NT5DC3: variants seen among roughly 807,000 people sequenced by gnomAD.
NT5DC3 encodes the protein 5'-nucleotidase domain-containing protein 3.
NT5DC3 carries 42 observed loss-of-function variants against 67.8 expected under a neutral mutation model. The ratio of observed to expected loss-of-function variants is 0.62; its 90% confidence interval spans 0.48 to 0.80. The LOEUF (loss-of-function observed/expected upper bound fraction) is 0.80. NT5DC3 is among the 30% of genes least tolerant of loss of function. NT5DC3 has a pLI of 0.00. For missense variants in NT5DC3, 570 were observed against 696.4 expected (o/e 0.82, Z 2.04); for synonymous variants, 237 against 255.6 (o/e 0.93, Z 0.69).
At chr12:103,832,222 T>C (rs1887962675) in intron 1 of NT5DC3, among the ~76,000 whole-genome samples, 1 of 152,028 alleles carries the variant, frequency 6.6e-6, no homozygotes, top group African/African-American at 2.4e-5. Flanking sequence ...TCTGCCAGAC[T>C]GCTGAAAGCC....
intron 8 of NT5DC3, 60 bp downstream of exon 8, chr12:103,793,350 A>G (rs1886151458): frequency 6.4e-7 from 1 of 1,562,694 alleles, no homozygotes; most frequent in African/African-American, 1.4e-5. Flanking sequence ...TCCAGCTGCT[A>G]AAACAAATGG....
At position 103,840,951 on chromosome 12, in the gene NT5DC3, T is replaced by G; in HGVS notation, c.206A>C (p.Glu69Ala). 1 of 1,354,208 alleles carries G rather than the reference T, an allele frequency of 7.4e-7. No homozygotes were observed. The highest frequency in any genetic ancestry group is 1.9e-5 in the South Asian group (1 of 53,780). The allele number at this position is 1,354,208 out of a possible 1,614,324, so 83.9% of individuals were successfully genotyped here. A position where few individuals can be genotyped will look rare whatever the true frequency, so the allele number is the denominator to read the frequency against. Residue 69 changes from glutamate (E) to alanine (A), a missense_variant and splice_region_variant, in exon 1 of 14, where the codon GAA becomes GCA. Glu to Ala is a moderately radical substitution (Grantham distance 107). Around this residue, in one of 2 missense-constraint regions of NT5DC3, gnomAD observed 466 missense variants for 608.0 expected, o/e 0.77. Coordinates refer to ENST00000392876, the MANE Select transcript of NT5DC3 (RefSeq NM_001031701.3). ...GGCGGGGTCGCCGCCTCACTCACCT[T>G]CTGTGCTTCTCTTCGCCTCCCGGTA... ...ERYREAKRSTEELVPSIMSNL... is the reference protein window; with the variant it reads ...ERYREAKRSTAELVPSIMSNL...
the NT5DC3 span, among the ~76,000 whole-genome samples, chr12:103,752,526 A>G: frequency 5.3e-5 from 8 of 152,242 alleles, no homozygotes; most frequent in Admixed American, 1.3e-4. Context: ...GAAAGGTATC[A>G]GCTATGAACC....
intron 1 of NT5DC3, among the ~76,000 whole-genome samples, chr12:103,832,616 C>T (rs1428160425): frequency 6.6e-6 from 1 of 152,090 alleles, no homozygotes; most frequent in Non-Finnish European, 1.5e-5. Context: ...GGTAGATCAG[C>T]GAGCCACCTC....
intron 5 of NT5DC3, among the ~76,000 whole-genome samples, chr12:103,797,992 A>T (rs759696212): frequency 1.4e-4 from 22 of 152,206 alleles, no homozygotes; most frequent in Non-Finnish European, 2.8e-4. Context: ...ACTGTAATTT[A>T]TGTTGAAATT....
Position 103,787,433 on chromosome 12 carries a change from C to G in NT5DC3, c.1188+8G>C. 1 of 1,507,198 alleles carries G rather than the reference C, an allele frequency of 6.6e-7. No homozygotes were observed. The allele number at this position is 1,507,198 out of a possible 1,614,324, so 93.4% of individuals were successfully genotyped here. A position where few individuals can be genotyped will look rare whatever the true frequency, so the allele number is the denominator to read the frequency against. ...TGTCCCCCAACAAAGGAAAAAAGGG[C>G]CCCTCACCGCCAGGTCACTGTATAT... On this transcript the variant is annotated splice_region_variant and intron_variant, in intron 11 of 13. Transcript: ENST00000392876.
At chr12:103,814,805 C>A in intron 2 of NT5DC3, 132 bp downstream of exon 2, 1 of 631,440 alleles carries the variant, frequency 1.6e-6, no homozygotes, top group East Asian at 2.9e-5. Flanking sequence ...TGGAAGGGAA[C>A]AAAATCTACT....
intron 13 of NT5DC3, 136 bp downstream of exon 13, chr12:103,780,164 G>A: frequency 2.7e-6 from 2 of 751,366 alleles, no homozygotes; most frequent in Non-Finnish European, 4.8e-6. Flanking sequence ...TGGATCCTGG[G>A]GGAGGCAGAC....
chr12:103,836,781 C>T (rs901118470), intron 1 of NT5DC3, among the ~76,000 whole-genome samples: 3 of 152,182 alleles, frequency 2.0e-5, no homozygotes, highest in Admixed American at 6.5e-5. Context: ...TGGGCCGCTT[C>T]GCTCCTGTGG....
chr12:103,785,751 TAAAA>T (rs201632707), intron 11 of NT5DC3: 6,149 of 363,330 alleles, frequency 0.017, 154 homozygotes, highest in African/African-American at 0.11. Flanking sequence ...CCATGGTCTG[TAAAA>T]AAAAAAAAAA....
intron 4 of NT5DC3, among the ~76,000 whole-genome samples, chr12:103,804,326 G>C (rs1886708174): frequency 6.6e-6 from 1 of 152,178 alleles, no homozygotes; most frequent in South Asian, 2.1e-4. Context: ...ACTGATAACA[G>C]AGGCCTGCAA....
chr12:103,787,357 G>T, intron 11 of NT5DC3, 84 bp downstream of exon 11: 1 of 633,544 alleles, frequency 1.6e-6, no homozygotes, highest in East Asian at 2.9e-5. Flanking sequence ...TAAATAAAAG[G>T]TACATCCTTA....
At chr12:103,753,123 A>C in the NT5DC3 span, 1 of 1,506,632 alleles carries the variant, frequency 6.6e-7, no homozygotes, top group Admixed American at 1.9e-5. Flanking sequence ...CCTGGGGTAT[A>C]GCTGGCCTTC....
Position 103,793,919 on chromosome 12 carries a change from A to T in NT5DC3, c.814+18T>A. ...CAGAAAGGCTGAAACTCTCTTCGTG[A>T]TACTGCTGAGCACATACCAATGTCT... On this transcript the variant is annotated intron_variant, in intron 7 of 13. Transcript: ENST00000392876. 1 of 1,594,988 alleles carries T rather than the reference A, an allele frequency of 6.3e-7. No individual in the cohort carries two copies. Among genetic ancestry groups the T allele is most frequent in the Non-Finnish European group, 8.6e-7 (1 of 1,163,162 alleles).
At chr12:103,766,249 A>T, downstream of NT5DC3, 1 of 1,613,814 alleles carries the variant, frequency 6.2e-7, no homozygotes, top group East Asian at 2.2e-5. Context: ...CTCAACACAC[A>T]GAATGCCCTG....
chr12:103,828,816 G>A (rs143165192), intron 1 of NT5DC3, among the ~76,000 whole-genome samples: 11,424 of 151,056 alleles, frequency 0.076, 580 homozygotes, highest in Admixed American at 0.11. Flanking sequence ...CTCCTGCCTC[G>A]GCCTCCCAAG....
chr12:103,757,230 A>G, the NT5DC3 span, among the ~76,000 whole-genome samples: 1 of 151,528 alleles, frequency 6.6e-6, no homozygotes, highest in African/African-American at 2.4e-5. Context: ...CTGGGACTAC[A>G]GGCACACACC....
rs192506732 is a variant in NT5DC3, at chr12:103,840,734, G to C, written c.208+215C>G. 2.9e-3 allele frequency among the ~76,000 whole-genome samples: 446 copies of C among 152,216 alleles called. 4 individuals carry two copies. Among genetic ancestry groups the C allele is most frequent in the African/African-American group, 0.01 (418 of 41,554 alleles). ...AGCTTTCCCGACCGGGGAAAGGCGCGAGTTGTGAAGTTTCTAGAGCGCATT... is the reference window on the plus strand; with the variant it reads ...AGCTTTCCCGACCGGGGAAAGGCGCCAGTTGTGAAGTTTCTAGAGCGCATT... On this transcript the variant is annotated intron_variant, in intron 1 of 13. Transcript: ENST00000392876.
chr12:103,783,090 T>C (rs1885626509), intron 12 of NT5DC3, among the ~76,000 whole-genome samples: 1 of 152,210 alleles, frequency 6.6e-6, no homozygotes. Flanking sequence ...ACTGTCCAAA[T>C]AATGTGCTAC....
Sources: allele counts gnomAD v4.1 joint callset (sites outside exome capture counted in the v4.1 genomes callset), GRCh38; gene constraint gnomAD v4.1.1; regional missense constraint gnomAD v4.1.1; transcripts MANE v1.5; gene names NCBI Gene and HGNC (gene_info 2026-07-23, HGNC 2026-07-21).